NUP54: variants seen among roughly 807,000 people sequenced by gnomAD.
NUP54 encodes nucleoporin 54.
A neutral mutation model predicts 66.4 loss-of-function variants in NUP54; 27 were observed. That is an observed-to-expected ratio of 0.41 (90% CI 0.30 to 0.56). NUP54 has a LOEUF of 0.56. NUP54 is among the 20% of genes least tolerant of loss of function. The pLI is 0.34. For synonymous variants in NUP54, 206 were observed against 210.7 expected, an observed-to-expected ratio of 0.98 and a Z score of 0.19; for missense variants, 486 against 596.3, an observed-to-expected ratio of 0.82 and a Z score of 1.93.
chr4:76,145,606 G>A (rs1181963770), intron 1 of NUP54: 1 of 1,260,714 alleles, frequency 7.9e-7, no homozygotes, highest in Admixed American at 2.5e-5. Context: ...ACAGATAAAT[G>A]GAATGCTAGC....
intron 8 of NUP54, among the ~76,000 whole-genome samples, chr4:76,125,629 AGGGGG>A (rs1730456176): frequency 5.8e-5 from 1 of 17,124 alleles, no homozygotes. Context: ...GGAGAGGGAG[AGGGGG>A]AGAGGGGGAG....
chr4:76,118,999 C>CT (rs1184176597), intron 9 of NUP54, among the ~76,000 whole-genome samples: 1 of 152,014 alleles, frequency 6.6e-6, no homozygotes, highest in Non-Finnish European at 1.5e-5. Context: ...GAGCGAGACT[C>CT]TGTCTCAAAA....
intron 1 of NUP54, 149 bp downstream of exon 1, chr4:76,148,159 C>G (rs1731593547): frequency 1.6e-6 from 1 of 617,054 alleles, no homozygotes. Context: ...CCTCGGCCCA[C>G]TCTGCCGCCG....
intron 8 of NUP54, among the ~76,000 whole-genome samples, chr4:76,127,040 TAA>T (rs1730568376): frequency 6.6e-6 from 1 of 151,942 alleles, no homozygotes; most frequent in South Asian, 2.1e-4. Context: ...CAATGAAACA[TAA>T]GAGAGGGTCT....
At chr4:76,128,331 C>T (rs1482247304) in intron 8 of NUP54, among the ~76,000 whole-genome samples, 1 of 150,926 alleles carries the variant, frequency 6.6e-6, no homozygotes, top group African/African-American at 2.4e-5. Flanking sequence ...TCACCACCAC[C>T]ACCACAAGCC....
intron 3 of NUP54, among the ~76,000 whole-genome samples, 196 bp downstream of exon 3, chr4:76,143,953 C>T (rs1731374780): frequency 6.6e-6 from 1 of 152,146 alleles, no homozygotes; most frequent in African/African-American, 2.4e-5. Flanking sequence ...AACACAGGGA[C>T]CTTATAATCC....
rs185493201 is a variant in NUP54, at chr4:76,145,146, G to A, written c.68-673C>T. ...ATCCTGGCTAACACGGTGAAACCCC[G>A]TGTCTACTAAAAATACAAAAAATTA... On this transcript the variant is annotated intron_variant, in intron 1 of 11. Coordinates refer to ENST00000264883, the MANE Select transcript of NUP54 (RefSeq NM_017426.4). Among the ~76,000 whole-genome samples the A allele has an allele frequency of 2.9e-3, 433 of 151,590 alleles. 2 individuals are homozygous for A. The highest frequency in any genetic ancestry group is 9.9e-3 in the African/African-American group (410 of 41,376).
At chr4:76,127,976 T>C (rs1314049891) in intron 8 of NUP54, among the ~76,000 whole-genome samples, 7 of 152,128 alleles carry the variant, frequency 4.6e-5, no homozygotes, top group Non-Finnish European at 4.4e-5. Context: ...TCAGGTAAGA[T>C]AGGAATTTAA....
At position 76,148,350 on chromosome 4, in the gene NUP54, A is replaced by C; in HGVS notation, c.25T>G (p.Ser9Ala). 6.5e-7 allele frequency: 1 copy of C among 1,549,812 alleles called. No individual in the cohort carries two copies. The highest frequency in any genetic ancestry group is 8.7e-7 in the Non-Finnish European group (1 of 1,148,208). The stretch of plus-strand genomic sequence containing the variant: ...GCTGCAGCGGTACCGGAGGTGCCCG[A>C]GGGAGCCCCAAAATTGAAGGCCATG... Reference protein sequence around the residue: MAFNFGAPSGTSGTAAATA... With the variant: MAFNFGAPAGTSGTAAATA... The change falls in exon 1 of 12, where the codon TCG becomes GCG. Residue 9 changes from serine to alanine, a missense_variant. Transcript: ENST00000264883.
chr4:76,138,614 G>A (rs1731135127), intron 3 of NUP54, among the ~76,000 whole-genome samples: 1 of 152,226 alleles, frequency 6.6e-6, no homozygotes, highest in South Asian at 2.1e-4. Flanking sequence ...AAGTCCTTCA[G>A]AGAAGTACAG....
intron 1 of NUP54, 161 bp downstream of exon 1, chr4:76,148,147 C>G: frequency 1.9e-6 from 1 of 523,828 alleles, no homozygotes; most frequent in Non-Finnish European, 3.1e-6. Flanking sequence ...CCTCGGGTGC[C>G]GCCTCGGCCC....
At chr4:76,132,482 ATCTT>A (rs759044399) in intron 6 of NUP54, 37 bp downstream of exon 6, 7 of 1,487,836 alleles carry the variant, frequency 4.7e-6, no homozygotes, top group Admixed American at 2.2e-5. Flanking sequence ...TTAGTTCTAA[ATCTT>A]TCTTTTTTTT....
chr4:76,144,199 C>G lies in NUP54; in HGVS notation c.245G>C (p.Gly82Ala), dbSNP rs774244142. Residue 82 changes from glycine (G) to alanine (A), a missense_variant, in exon 3 of 12, where the codon GGA becomes GCA. This residue lies in a region of NUP54 where 145 missense variants were observed against 137.1 expected (regional missense o/e 1.06). Coordinates refer to ENST00000264883, the MANE Select transcript of NUP54 (RefSeq NM_017426.4). ...GTSTGLGTGL[G>A]TGLGFGGFNT... is the part of the protein sequence containing the mutation. ...AAATCCTCCAAATCCCAGTCCAGTT[C>G]CCAAACCAGTACCTAAACCAGTACT... is the stretch of plus-strand genomic sequence containing the variant. 1.2e-6 allele frequency: 2 copies of G among 1,614,042 alleles called. No individual in the cohort carries two copies. The highest frequency in any genetic ancestry group is 2.7e-5 in the African/African-American group (2 of 75,028).
At position 76,125,623 on chromosome 4, in the gene NUP54, A is replaced by AGAGGGGGAGAGG. The variant is rs1560678686; in HGVS notation, c.1057-868_1057-867insCCTCTCCCCCTC. ...GCACTCCAGCATGGGCAAGAGGGAG[A>AGAGGGGGAGAGG]GGGAGAGGGGGAGAGGGGGAGAGGG... On this transcript the variant is annotated intron_variant, in intron 8 of 11. Transcript: ENST00000264883. Among the ~76,000 whole-genome samples the AGAGGGGGAGAGG allele has an allele frequency of 1.2e-4, 7 of 56,050 alleles. 1 individual carries two copies. Among genetic ancestry groups the AGAGGGGGAGAGG allele is most frequent in the East Asian group, 8.2e-4 (1 of 1,216 alleles). The allele number at this position is 56,050 out of a possible 152,430, so 36.8% of individuals were successfully genotyped here.
At chr4:76,120,421 C>CTT (rs59098375) in intron 9 of NUP54, among the ~76,000 whole-genome samples, 34 of 117,746 alleles carry the variant, frequency 2.9e-4, no homozygotes, top group Non-Finnish European at 4.8e-4. Context: ...AAAGGGATCT[C>CTT]TTTTTTTTTT....
intron 3 of NUP54, among the ~76,000 whole-genome samples, chr4:76,140,845 T>G (rs1409288032): frequency 6.6e-6 from 1 of 151,746 alleles, no homozygotes; most frequent in African/African-American, 2.4e-5. Context: ...AGGCTTGGGG[T>G]TTTTTCAGGC....
Position 76,115,288 on chromosome 4 carries a change from G to T in NUP54, c.*78C>A. On this transcript the variant is annotated 3_prime_UTR_variant, in exon 12 of 12. Transcript: ENST00000264883. ...AATTGTTTTCTTTTTCCCTCCATGT[G>T]GTCGGTTTCATTCTTAAGGAAGGTC... is the stretch of plus-strand genomic sequence containing the variant. 1 of 1,251,346 alleles carries T rather than the reference G, an allele frequency of 8.0e-7. No homozygotes were observed. The highest frequency in any genetic ancestry group is 2.3e-5 in the South Asian group (1 of 43,850). The allele number at this position is 1,251,346 out of a possible 1,614,324, so 77.5% of individuals were successfully genotyped here.
intron 3 of NUP54, among the ~76,000 whole-genome samples, chr4:76,136,752 G>T (rs4376175): frequency 0.2 from 30,073 of 152,020 alleles, 3,438 homozygotes; most frequent in Middle Eastern, 0.34. Flanking sequence ...AATGCAGGAA[G>T]ACTCTAAAAA....
intron 8 of NUP54, among the ~76,000 whole-genome samples, chr4:76,126,319 T>C (rs1414574813): frequency 6.6e-6 from 1 of 152,210 alleles, no homozygotes; most frequent in Non-Finnish European, 1.5e-5. Flanking sequence ...GTCTCTATCA[T>C]AATTAATCAT....
Sources: allele counts gnomAD v4.1 joint callset (sites outside exome capture counted in the v4.1 genomes callset), GRCh38; gene constraint gnomAD v4.1.1; regional missense constraint gnomAD v4.1.1; transcripts MANE v1.5; gene names NCBI Gene and HGNC (gene_info 2026-07-23, HGNC 2026-07-21).